Variants in ZNF883 observed in about 807,000 individuals in gnomAD.
ZNF883 encodes zinc finger protein 883.
chr9:112,997,645 T>C, exon 1 of ZNF883: 2 of 1,613,428 alleles, frequency 1.2e-6, no homozygotes, highest in Non-Finnish European at 1.7e-6. Context: ...ATGGTTTCTC[T>C]CCTGTGTGGG....
downstream of ZNF883, among the ~76,000 whole-genome samples, chr9:112,995,358 GCTCTC>G (rs925984348): frequency 4.0e-3 from 616 of 152,108 alleles, 6 homozygotes; most frequent in African/African-American, 0.014. Flanking sequence ...TTTACCATCG[GCTCTC>G]CTGAGTCTCC....
intron 2 of ZNF883, among the ~76,000 whole-genome samples, chr9:113,010,233 TAAA>T (rs892903124): frequency 1.3e-5 from 2 of 152,132 alleles, no homozygotes; most frequent in Non-Finnish European, 2.9e-5. Flanking sequence ...TTTCAGGAAA[TAAA>T]AAATACAGCA....
exon 1 of ZNF883, chr9:112,998,224 TG>T: frequency 6.2e-7 from 1 of 1,611,032 alleles, no homozygotes; most frequent in Non-Finnish European, 8.5e-7. Context: ...TACAGAGATA[TG>T]GGTTCGCGGT....
At chr9:112,994,138 G>A (rs910086566), downstream of ZNF883, among the ~76,000 whole-genome samples, 1 of 151,544 alleles carries the variant, frequency 6.6e-6, no homozygotes, top group Admixed American at 6.6e-5. Flanking sequence ...GTGGGCTCAC[G>A]AAGGGGATCT....
chr9:112,989,190 T>G (rs1292040344), intron 1 of ZNF883, among the ~76,000 whole-genome samples: 3 of 152,228 alleles, frequency 2.0e-5, no homozygotes, highest in Non-Finnish European at 2.9e-5. Flanking sequence ...ATTTTCATCA[T>G]GAAATCTTGC....
chr9:112,996,099 T>C (rs1433133493), downstream of ZNF883, among the ~76,000 whole-genome samples: 2 of 152,184 alleles, frequency 1.3e-5, no homozygotes, highest in East Asian at 3.8e-4. Flanking sequence ...AGATTTATTC[T>C]TTAACTCCAA....
At chr9:113,005,404 T>A (rs1223583223) in intron 2 of ZNF883, among the ~76,000 whole-genome samples, 1 of 152,062 alleles carries the variant, frequency 6.6e-6, no homozygotes, top group Non-Finnish European at 1.5e-5. Flanking sequence ...AAACGATCAA[T>A]ATACAAAAAG....
intron 2 of ZNF883, among the ~76,000 whole-genome samples, chr9:113,010,324 AG>A (rs1463560568): frequency 6.6e-6 from 1 of 152,228 alleles, no homozygotes; most frequent in Non-Finnish European, 1.5e-5. Flanking sequence ...TGTTATCTAA[AG>A]GTAAGAGTGA....
At chr9:112,992,574 T>C (rs566233866), downstream of ZNF883, among the ~76,000 whole-genome samples, 15 of 152,188 alleles carry the variant, frequency 9.9e-5, no homozygotes, top group Non-Finnish European at 2.2e-4. Context: ...GATCTTCTCA[T>C]GGAATATCTT....
chr9:112,996,652 G>A (rs989502417), downstream of ZNF883, among the ~76,000 whole-genome samples: 6 of 150,026 alleles, frequency 4.0e-5, no homozygotes, highest in African/African-American at 4.9e-5. Flanking sequence ...TTAGCCGGGC[G>A]TGGTAGCGGG....
At chr9:112,990,001 TAAG>T (rs1828286830) in intron 1 of ZNF883, among the ~76,000 whole-genome samples, 1 of 152,314 alleles carries the variant, frequency 6.6e-6, no homozygotes, top group Middle Eastern at 3.4e-3. Context: ...CTTATCAGCT[TAAG>T]AAGCTTTTGG....
intron 1 of ZNF883, among the ~76,000 whole-genome samples, chr9:112,989,337 A>G (rs1828280904): frequency 6.6e-6 from 1 of 152,090 alleles, no homozygotes; most frequent in Admixed American, 6.6e-5. Flanking sequence ...AATTTTCTGC[A>G]TATGGCTAGC....
upstream of ZNF883, among the ~76,000 whole-genome samples, chr9:113,001,556 A>C (rs550256739): frequency 6.6e-6 from 1 of 152,252 alleles, no homozygotes; most frequent in Non-Finnish European, 1.5e-5. Context: ...AGAGGACCTT[A>C]ACCAACATTT....
intron 2 of ZNF883, among the ~76,000 whole-genome samples, chr9:113,009,655 G>A (rs372749682): frequency 6.2e-4 from 95 of 152,152 alleles, no homozygotes; most frequent in African/African-American, 8.2e-4. Context: ...GACTACAGGC[G>A]TATGCCGCCA....
chr9:113,006,517 C>T (rs949369550), intron 2 of ZNF883, among the ~76,000 whole-genome samples: 2 of 152,162 alleles, frequency 1.3e-5, no homozygotes, highest in Admixed American at 6.5e-5. Flanking sequence ...TTCTTTCCTG[C>T]ACAAAGCCAA....
In ZNF883 at chr9:113,008,374, G is replaced by T. The variant is rs1252872800; in HGVS notation, n.165+2767C>A. Among the ~76,000 whole-genome samples, 3 of 152,198 alleles carry T rather than the reference G, an allele frequency of 2.0e-5. No homozygotes were observed. In the East Asian group the frequency reaches 5.8e-4, roughly 29 times the overall value. ...AGTAATGAAACTGAAAATGAGACAAGGGTTTGGGAGGGAATGGTGCATAGA... is the reference window on the plus strand; with the variant it reads ...AGTAATGAAACTGAAAATGAGACAATGGTTTGGGAGGGAATGGTGCATAGA... On this transcript the variant is annotated intron_variant and non_coding_transcript_variant, in intron 2 of 4. Coordinates refer to the ZNF883 transcript ENST00000638622.
rs376605473 is a variant in ZNF883 at position 112,997,667 on chromosome 9, C to T, written n.593G>A. ...CTCTCCTGTGTGGGTTCTCTGATGT[C>T]GGATTAGTGATGTACTGTGGCAAAA... is the stretch of plus-strand genomic sequence containing the variant. On this transcript the variant is annotated non_coding_transcript_exon_variant, in exon 1 of 1. Transcript: ENST00000639662. 2.9e-5 allele frequency: 46 copies of T among 1,608,880 alleles called. No individual in the cohort carries two copies. In the Middle Eastern group the frequency reaches 5.0e-4, roughly 17 times the overall value.
chr9:112,995,586 C>T (rs1828344997), downstream of ZNF883, among the ~76,000 whole-genome samples: 1 of 151,510 alleles, frequency 6.6e-6, no homozygotes, highest in East Asian at 1.9e-4. Context: ...TCTTCTCTCT[C>T]TGGAGAACAC....
At chr9:112,995,426 C>T (rs1418345826), downstream of ZNF883, among the ~76,000 whole-genome samples, 1 of 151,776 alleles carries the variant, frequency 6.6e-6, no homozygotes, top group Non-Finnish European at 1.5e-5. Flanking sequence ...TGTCCATACA[C>T]ATCTCCTTCC....
Sources: allele counts gnomAD v4.1 joint callset (sites outside exome capture counted in the v4.1 genomes callset), GRCh38; gene constraint gnomAD v4.1.1; transcripts MANE v1.5; gene names NCBI Gene and HGNC (gene_info 2026-07-23, HGNC 2026-07-21).